Variants in PXDNL observed in about 807,000 individuals in gnomAD.
The protein encoded by PXDNL is probable oxidoreductase PXDNL.
A neutral mutation model predicts 150.8 loss-of-function variants in PXDNL; 145 were observed. The ratio of observed to expected loss-of-function variants is 0.96; its 90% CI spans 0.84 to 1.10. The LOEUF (loss-of-function observed/expected upper bound fraction) is 1.10. Ranked by LOEUF, PXDNL falls within the 50% of genes least tolerant of loss-of-function variation. The pLI, the probability that PXDNL is intolerant of heterozygous loss-of-function variation, is 0.00. For missense variants in PXDNL, 2,087 were observed against 1,873.9 expected (o/e 1.11, Z -2.10); for synonymous variants, 757 against 725.7 (o/e 1.04, Z -0.69).
intron 1 of PXDNL, among the ~76,000 whole-genome samples, chr8:51,720,327 A>C (rs1207115121): frequency 6.6e-6 from 1 of 152,038 alleles, no homozygotes. Flanking sequence ...AATACTCAGT[A>C]ATTTTTTATT....
chr8:51,593,197 C>T (rs901715258), intron 2 of PXDNL, among the ~76,000 whole-genome samples: 6 of 152,020 alleles, frequency 3.9e-5, no homozygotes, highest in African/African-American at 1.5e-4. Flanking sequence ...ATAGTAGTAT[C>T]CAGTGGTCCA....
chr8:51,796,965 G>C (rs1483812570), intron 1 of PXDNL, among the ~76,000 whole-genome samples: 1 of 152,148 alleles, frequency 6.6e-6, no homozygotes, highest in Non-Finnish European at 1.5e-5. Context: ...ACATTTAAAA[G>C]CTTATCCACC....
In PXDNL at chr8:51,578,013, G is replaced by A. The variant is rs1813119270; in HGVS notation, c.308+14614C>T. ...AAAGAAAGAAAGAGGAAGGAAGGAA[G>A]GAAGGAAGGAAGGAAGGAAGGAAGG... On this transcript the variant is annotated intron_variant, in intron 3 of 22. Transcript: ENST00000356297. 9.4e-5 allele frequency among the ~76,000 whole-genome samples: 9 copies of A among 95,342 alleles called. 1 individual carries two copies. The South Asian group carries it at 1.3e-3, about 13-fold the overall frequency. The allele number at this position is 95,342 out of a possible 152,430, so 62.5% of individuals were successfully genotyped here.
chr8:51,392,648 A>G (rs572273594), intron 17 of PXDNL, among the ~76,000 whole-genome samples: 82 of 152,330 alleles, frequency 5.4e-4, no homozygotes, highest in Non-Finnish European at 1.0e-3. Context: ...GGCTGAGACA[A>G]TGGGGTTTTC....
At chr8:51,710,341 T>G (rs561394957) in intron 1 of PXDNL, among the ~76,000 whole-genome samples, 1 of 152,352 alleles carries the variant, frequency 6.6e-6, no homozygotes, top group African/African-American at 2.4e-5. Context: ...TTATACATAT[T>G]TATGGTATAC....
At chr8:51,422,975 T>C (rs72637838) in intron 14 of PXDNL, among the ~76,000 whole-genome samples, 3,722 of 152,228 alleles carry the variant, frequency 0.024, 61 homozygotes, top group Non-Finnish European at 0.041. Flanking sequence ...AAAGAAAAAA[T>C]ATATTTTTTA....
chr8:51,739,754 T>C (rs1257044268), intron 1 of PXDNL, among the ~76,000 whole-genome samples: 2 of 151,534 alleles, frequency 1.3e-5, no homozygotes, highest in East Asian at 3.9e-4. Context: ...CAGGCACCTG[T>C]AGTCCCAGCT....
chr8:51,576,980 A>C (rs1813069034), intron 3 of PXDNL, among the ~76,000 whole-genome samples: 1 of 151,972 alleles, frequency 6.6e-6, no homozygotes, highest in Admixed American at 6.6e-5. Flanking sequence ...TGCTATAACT[A>C]TTTAAAAAAT....
intron 19 of PXDNL, among the ~76,000 whole-genome samples, chr8:51,359,522 G>C (rs1301586882): frequency 1.3e-5 from 2 of 151,846 alleles, no homozygotes; most frequent in African/African-American, 4.8e-5. Flanking sequence ...GAGATTTGGA[G>C]GGTAGACCTA....
intron 1 of PXDNL, among the ~76,000 whole-genome samples, chr8:51,725,475 A>C (rs756833528): frequency 7.9e-5 from 12 of 152,216 alleles, no homozygotes; most frequent in Non-Finnish European, 1.6e-4. Flanking sequence ...TGATCATTTT[A>C]GCTACAAAAT....
rs377249322 is a variant in PXDNL, at chr8:51,436,073, G to A, written c.1526-9315C>T. Reference sequence around the variant, plus strand: ...AGCCTAGCTGAACTACAGATGACTGGAAACCTTTTGAAAGGTTCTTGCCCC... The same window carrying A: ...AGCCTAGCTGAACTACAGATGACTGAAAACCTTTTGAAAGGTTCTTGCCCC... On this transcript the variant is annotated intron_variant, in intron 12 of 22. Transcript: ENST00000356297. 7.2e-5 allele frequency: 37 copies of A among 513,462 alleles called. No homozygotes were observed. In the East Asian group the frequency reaches 1.8e-3, roughly 25 times the overall value. 31.8% of individuals were successfully genotyped at this position (513,462 alleles called of 1,614,324 possible).
intron 3 of PXDNL, among the ~76,000 whole-genome samples, chr8:51,570,146 A>ATC (rs112858573): frequency 0.071 from 10,754 of 151,944 alleles, 978 homozygotes; most frequent in African/African-American, 0.22. Context: ...AAAAAGTTTA[A>ATC]TCTCTTCCTC....
chr8:51,369,371 T>A (rs1277044723), intron 19 of PXDNL, among the ~76,000 whole-genome samples: 3 of 152,232 alleles, frequency 2.0e-5, no homozygotes, highest in African/African-American at 4.8e-5. Context: ...GAGCAATGTT[T>A]CTGTTAATTG....
intron 5 of PXDNL, among the ~76,000 whole-genome samples, chr8:51,484,158 C>T (rs1008609233): frequency 2.0e-5 from 3 of 151,932 alleles, no homozygotes; most frequent in Non-Finnish European, 4.4e-5. Flanking sequence ...TTTAAAAATA[C>T]AGGCGTGGTG....
intron 1 of PXDNL, among the ~76,000 whole-genome samples, chr8:51,772,625 C>T (rs2037310835): frequency 6.6e-6 from 1 of 152,166 alleles, no homozygotes; most frequent in Non-Finnish European, 1.5e-5. Context: ...AAGTTCGGGA[C>T]TGATCTTATT....
intron 8 of PXDNL, among the ~76,000 whole-genome samples, chr8:51,458,259 G>A (rs77020771): frequency 0.034 from 5,200 of 152,234 alleles, 274 homozygotes; most frequent in African/African-American, 0.12. Flanking sequence ...TATCAATTAA[G>A]TGCATAATCC....
chr8:51,466,362 G>A (rs1442723575), intron 8 of PXDNL, among the ~76,000 whole-genome samples: 3 of 151,856 alleles, frequency 2.0e-5, no homozygotes, highest in Non-Finnish European at 4.4e-5. Context: ...AAGATGAAAC[G>A]AGACCCCTAT....
chr8:51,687,447 C>T (rs1056396041), intron 1 of PXDNL, among the ~76,000 whole-genome samples: 4 of 152,168 alleles, frequency 2.6e-5, no homozygotes, highest in Non-Finnish European at 5.9e-5. Flanking sequence ...AGAAGTAAAC[C>T]TAGCAGAAAG....
At chr8:51,463,061 C>A (rs1397438975) in intron 8 of PXDNL, among the ~76,000 whole-genome samples, 1 of 152,112 alleles carries the variant, frequency 6.6e-6, no homozygotes, top group Non-Finnish European at 1.5e-5. Flanking sequence ...AAATAAAATT[C>A]TTCCCAGACA....
Sources: allele counts gnomAD v4.1 joint callset (sites outside exome capture counted in the v4.1 genomes callset), GRCh38; gene constraint gnomAD v4.1.1; transcripts MANE v1.5; gene names NCBI Gene and HGNC (gene_info 2026-07-23, HGNC 2026-07-21).